The following ZNF536 variants were observed in gnomAD, a reference collection of about 807,000 sequenced individuals.
The protein encoded by ZNF536 is zinc finger protein 536.
ZNF536 carries 13 observed loss-of-function variants against 84.5 expected under a neutral mutation model. That is an observed-to-expected ratio of 0.15 (90% CI 0.10 to 0.24). The LOEUF (loss-of-function observed/expected upper bound fraction) is 0.24. ZNF536 is among the 10% of genes least tolerant of loss of function. The pLI, the probability that ZNF536 is intolerant of heterozygous loss-of-function variation, is 1.00. For synonymous variants in ZNF536, 811 were observed against 742.5 expected (o/e 1.09, Z -1.50); for missense variants, 1,536 against 1,747.5 (o/e 0.88, Z 2.16).
At chr19:30,401,342 T>G (rs892425415) in intron 1 of ZNF536, among the ~76,000 whole-genome samples, 4 of 152,172 alleles carry the variant, frequency 2.6e-5, no homozygotes, top group Non-Finnish European at 4.4e-5. Context: ...GGTCTACATA[T>G]CTTGATATTT....
intron 2 of ZNF536, among the ~76,000 whole-genome samples, chr19:30,299,082 G>A (rs1851936711): frequency 6.6e-6 from 1 of 152,156 alleles, no homozygotes; most frequent in African/African-American, 2.4e-5. Context: ...AGTTTATAAA[G>A]GTAGCCTCTG....
At chr19:30,322,139 C>G (rs2046878544) in intron 2 of ZNF536, among the ~76,000 whole-genome samples, 1 of 152,190 alleles carries the variant, frequency 6.6e-6, no homozygotes. Context: ...CACTAGCTTT[C>G]AGTCTTTTCC....
At chr19:30,457,049 A>C (rs1482252370) in intron 2 of ZNF536, among the ~76,000 whole-genome samples, 1 of 151,156 alleles carries the variant, frequency 6.6e-6, no homozygotes, top group Non-Finnish European at 1.5e-5. Context: ...CTCAAAAAAA[A>C]AAAAAAACAA....
chr19:30,390,632 T>C (rs953137037), intron 1 of ZNF536, among the ~76,000 whole-genome samples: 2 of 152,246 alleles, frequency 1.3e-5, no homozygotes, highest in African/African-American at 4.8e-5. Flanking sequence ...AAGGTGCTTT[T>C]ATGTTTCCAA....
chr19:30,569,314 C>T (rs1288944241), intron 1 of ZNF536, among the ~76,000 whole-genome samples: 1 of 151,986 alleles, frequency 6.6e-6, no homozygotes, highest in Non-Finnish European at 1.5e-5. Flanking sequence ...TCTGGGCTAC[C>T]CTGGAGATGC....
At chr19:30,606,189 TAAAATAATAA>T (rs1465101261) in intron 1 of ZNF536, among the ~76,000 whole-genome samples, 1 of 113,948 alleles carries the variant, frequency 8.8e-6, no homozygotes, top group Non-Finnish European at 2.0e-5. Context: ...TAAAATAAAA[TAAAATAATAA>T]AATAAAATAA....
chr19:30,417,025 G>A (rs1167779272), intron 1 of ZNF536, among the ~76,000 whole-genome samples: 1 of 152,016 alleles, frequency 6.6e-6, no homozygotes, highest in South Asian at 2.1e-4. Flanking sequence ...CCAGACTGGA[G>A]TGCAGTGACA....
chr19:30,667,625 C>CCTTTTTTTTT (rs2050382260), intron 1 of ZNF536, among the ~76,000 whole-genome samples: 7 of 124,008 alleles, frequency 5.6e-5, no homozygotes, highest in Non-Finnish European at 1.1e-4. Context: ...TTTTTTCTAG[C>CCTTTTTTTTT]TTTTTTTTTT....
intron 1 of ZNF536, among the ~76,000 whole-genome samples, chr19:30,435,277 G>A (rs534123603): frequency 1.6e-4 from 24 of 150,332 alleles, no homozygotes; most frequent in African/African-American, 4.9e-4. Context: ...TGATGATGAC[G>A]GTGATGATAA....
intron 1 of ZNF536, among the ~76,000 whole-genome samples, chr19:30,659,468 T>C (rs774999195): frequency 6.6e-6 from 1 of 151,924 alleles, no homozygotes; most frequent in Non-Finnish European, 1.5e-5. Flanking sequence ...TTACAATTTG[T>C]ATTAGTCTGT....
At chr19:30,226,025 C>A (rs2022591437), upstream of ZNF536, among the ~76,000 whole-genome samples, 1 of 151,956 alleles carries the variant, frequency 6.6e-6, no homozygotes, top group African/African-American at 2.4e-5. This position sits in a 1 kb window ranked among gnomAD's most constrained non-coding sequence, Gnocchi z 4.6. Context: ...CGGCGGCGAG[C>A]GGGACCTGCG....
chr19:30,578,206 T>A (rs887910292), intron 1 of ZNF536, among the ~76,000 whole-genome samples: 2 of 152,194 alleles, frequency 1.3e-5, no homozygotes, highest in Non-Finnish European at 1.5e-5. Context: ...TGCTGTAAAG[T>A]CAGCCCGGCA....
At chr19:30,608,583 G>A (rs1359113461) in intron 1 of ZNF536, among the ~76,000 whole-genome samples, 4 of 152,166 alleles carry the variant, frequency 2.6e-5, no homozygotes, top group Non-Finnish European at 5.9e-5. Context: ...GACCTAGAAT[G>A]AGCCATATTG....
intron 1 of ZNF536, among the ~76,000 whole-genome samples, chr19:30,396,492 G>A (rs1216275983): frequency 6.6e-6 from 1 of 151,998 alleles, no homozygotes; most frequent in South Asian, 2.1e-4. Context: ...AATTGTTACA[G>A]TGTAGCAGTT....
chr19:30,677,815 G>T (rs1037891534), intron 1 of ZNF536, among the ~76,000 whole-genome samples: 1 of 152,148 alleles, frequency 6.6e-6, no homozygotes, highest in African/African-American at 2.4e-5. Context: ...CACGTGGCCT[G>T]CCCCCTCTGA....
intron 3 of ZNF536, among the ~76,000 whole-genome samples, chr19:30,357,382 C>G (rs2048131543): frequency 6.6e-6 from 1 of 152,062 alleles, no homozygotes; most frequent in Non-Finnish European, 1.5e-5. Flanking sequence ...CGTGGCCAGA[C>G]AGTGATCCCT....
At chr19:30,641,472 T>C (rs923453717) in intron 1 of ZNF536, among the ~76,000 whole-genome samples, 1 of 152,216 alleles carries the variant, frequency 6.6e-6, no homozygotes, top group Admixed American at 6.5e-5. Context: ...CTCATGTTAT[T>C]AAAACGTATA....
At chr19:30,460,568 T>C (rs996019731) in intron 2 of ZNF536, among the ~76,000 whole-genome samples, 2 of 152,170 alleles carry the variant, frequency 1.3e-5, no homozygotes, top group African/African-American at 4.8e-5. Context: ...CAGGAGTCCA[T>C]TCCTGCCTGT....
intron 2 of ZNF536, among the ~76,000 whole-genome samples, chr19:30,505,551 A>T (rs1267807472): frequency 4.6e-5 from 7 of 151,226 alleles, no homozygotes; most frequent in African/African-American, 1.5e-4. Context: ...ATTCACTGAG[A>T]CTCAGTTTAT....
Sources: gnomAD v4.1 joint callset for allele counts (sites outside exome capture counted in the v4.1 genomes callset) on GRCh38, gnomAD v4.1.1 for gene constraint, Gnocchi (gnomAD v3.1) non-coding constraint, MANE v1.5 for transcripts, NCBI Gene and HGNC (gene_info 2026-07-23, HGNC 2026-07-21) for gene names.